The following USH2A variants were observed in gnomAD, a reference collection of about 807,000 sequenced individuals.
The protein encoded by USH2A is usherin, also known as Usher syndrome 2A (autosomal recessive, mild).
Under a neutral mutation model 538.9 loss-of-function variants are expected in USH2A, and 443 were observed. The observed-to-expected ratio is 0.82, with a 90% confidence interval of 0.76 to 0.89. The LOEUF is 0.89. USH2A is among the 40% of genes least tolerant of loss of function. The pLI, the probability that USH2A is intolerant of heterozygous loss-of-function variation, is 0.00. For missense variants in USH2A, 6,633 were observed against 6,324.8 expected, an observed-to-expected ratio of 1.05 and a Z score of -1.65; for synonymous variants, 2,413 against 2,273.5, an observed-to-expected ratio of 1.06 and a Z score of -1.75.
At chr1:215,682,939 G>C (rs1192107082) in intron 61 of USH2A, among the ~76,000 whole-genome samples, 3 of 151,784 alleles carry the variant, frequency 2.0e-5, no homozygotes, top group Non-Finnish European at 4.4e-5. Context: ...GCTCGGTGCA[G>C]CCTTGAACTC....
intron 29 of USH2A, among the ~76,000 whole-genome samples, chr1:216,071,252 A>G (rs2031548030): frequency 6.6e-6 from 1 of 152,172 alleles, no homozygotes; most frequent in African/African-American, 2.4e-5. Context: ...CCAATAAAGT[A>G]GGACAGCTTT....
At position 216,003,385 on chromosome 1, in the gene USH2A, A is replaced by G. The variant is rs191265550; in HGVS notation, c.6326-2823T>C. Reference sequence around the variant, plus strand: ...ACGGAGTTTAAGATGTTCATGCTGCATTACATGAAAACTGCTGCAGAAAAC... The same window carrying G: ...ACGGAGTTTAAGATGTTCATGCTGCGTTACATGAAAACTGCTGCAGAAAAC... On this transcript the variant is annotated intron_variant, in intron 32 of 71. Transcript: ENST00000307340. 7.2e-5 allele frequency among the ~76,000 whole-genome samples: 11 copies of G among 152,298 alleles called. No homozygotes were observed. The East Asian group carries it at 2.1e-3, about 29-fold the overall frequency.
intron 12 of USH2A, among the ~76,000 whole-genome samples, chr1:216,247,642 T>A (rs1489740116): frequency 2.6e-5 from 4 of 152,158 alleles, no homozygotes; most frequent in African/African-American, 9.6e-5. Flanking sequence ...AATAAAAGGT[T>A]AAGCTGAGTA....
chr1:216,077,106 T>C (rs1558245850), intron 27 of USH2A, among the ~76,000 whole-genome samples: 1 of 152,148 alleles, frequency 6.6e-6, no homozygotes, highest in African/African-American at 2.4e-5. Context: ...AATGAGGATA[T>C]AAATAATAAT....
rs188423592 is a variant in USH2A at position 216,371,997 on chromosome 1, G to A, written c.652-6912C>T. Among the ~76,000 whole-genome samples, 346 of 152,210 alleles carry A rather than the reference G, an allele frequency of 2.3e-3. 3 individuals carry two copies. Among genetic ancestry groups the A allele is most frequent in the African/African-American group, 8.0e-3 (331 of 41,526 alleles). On this transcript the variant is annotated intron_variant, in intron 3 of 71. Coordinates refer to ENST00000307340, the MANE Select transcript of USH2A (RefSeq NM_206933.4). ...TATTAAATATTCTCTATTGAGTGACGTTTATACAAACAATATGAATAAGTA... is the reference window on the plus strand; with the variant it reads ...TATTAAATATTCTCTATTGAGTGACATTTATACAAACAATATGAATAAGTA...
intron 21 of USH2A, among the ~76,000 whole-genome samples, chr1:216,113,801 T>C (rs1024529150): frequency 3.3e-5 from 5 of 151,932 alleles, no homozygotes; most frequent in African/African-American, 1.2e-4. Context: ...CTTTTTATAA[T>C]TGGGCTTCCT....
chr1:216,259,949 C>T (rs1006185975), intron 11 of USH2A, among the ~76,000 whole-genome samples: 27 of 151,872 alleles, frequency 1.8e-4, no homozygotes, highest in Admixed American at 1.1e-3. Flanking sequence ...ATATTGGCAA[C>T]GTTCTTGACT....
At chr1:216,390,213 T>C (rs1335920382) in intron 3 of USH2A, among the ~76,000 whole-genome samples, 1 of 152,146 alleles carries the variant, frequency 6.6e-6, no homozygotes, top group Non-Finnish European at 1.5e-5. Context: ...AAAATCATGA[T>C]TTCCAAGCTA....
intron 21 of USH2A, among the ~76,000 whole-genome samples, chr1:216,172,348 G>A (rs1176774319): frequency 2.0e-5 from 3 of 151,868 alleles, no homozygotes; most frequent in Non-Finnish European, 4.4e-5. Flanking sequence ...GTATAATTAT[G>A]TACATCAACC....
Position 215,844,416 on chromosome 1 carries a change from G to A in USH2A, c.9136C>T (p.Pro3046Ser). 1 of 1,613,554 alleles carries A rather than the reference G, an allele frequency of 6.2e-7. No individual in the cohort carries two copies. The highest frequency in any genetic ancestry group is 8.5e-7 in the Non-Finnish European group (1 of 1,179,880). ...VRVIWTSPSNPNGVVTEYSIY... is the reference protein window; with the variant it reads ...VRVIWTSPSNSNGVVTEYSIY... The stretch of plus-strand genomic sequence containing the variant: ...GAATACTCAGTGACAACACCATTTG[G>A]GTTTGAAGGAGATGTCCAGATGACA... Residue 3046 changes from proline (P) to serine (S), a missense_variant, in exon 46 of 72, where the codon CCA (proline) becomes TCA (serine). Physicochemically the swap from Pro to Ser is moderately conservative, Grantham distance 74 (BLOSUM62 -1). Coordinates refer to ENST00000307340, the MANE Select transcript of USH2A (RefSeq NM_206933.4).
chr1:215,790,416 C>T (rs1661949212), intron 50 of USH2A, 134 bp from the exon 51 acceptor site: 1 of 896,410 alleles, frequency 1.1e-6, no homozygotes. Flanking sequence ...GTAGCATTTC[C>T]CTACCAAGGT....
intron 32 of USH2A, among the ~76,000 whole-genome samples, chr1:216,003,741 T>C (rs1462823706): frequency 1.3e-5 from 2 of 152,140 alleles, no homozygotes; most frequent in Non-Finnish European, 2.9e-5. Flanking sequence ...GTAAGAATTT[T>C]GGTTTTTAAT....
At chr1:215,896,836 G>T (rs148160924) in intron 40 of USH2A, among the ~76,000 whole-genome samples, 24 of 152,260 alleles carry the variant, frequency 1.6e-4, no homozygotes, top group African/African-American at 5.8e-4. Context: ...ACTGCCAGCA[G>T]CACATTTAAA....
chr1:216,205,380 A>C (rs1278539434), intron 16 of USH2A, among the ~76,000 whole-genome samples: 1 of 152,202 alleles, frequency 6.6e-6, no homozygotes, highest in Non-Finnish European at 1.5e-5. Flanking sequence ...ACAGATGTTC[A>C]TTTCCCTTTG....
intron 32 of USH2A, among the ~76,000 whole-genome samples, chr1:216,017,726 C>T (rs1668751567): frequency 6.6e-6 from 1 of 152,174 alleles, no homozygotes; most frequent in Non-Finnish European, 1.5e-5. Flanking sequence ...CAGTAATAAT[C>T]ATGGCTATAT....
chr1:216,200,092 A>T lies in USH2A; in HGVS notation c.3346T>A (p.Leu1116Ile). Residue 1116 changes from leucine (L) to isoleucine (I), a missense_variant, in exon 17 of 72, where the codon TTA becomes ATA. Physicochemically the swap from Leu to Ile is conservative, Grantham distance 5 (BLOSUM62 2). Coordinates refer to ENST00000307340, the MANE Select transcript of USH2A (RefSeq NM_206933.4). ...SIQYFLDTDLLPYTKYSYYIE... is the reference protein window; with the variant it reads ...SIQYFLDTDLIPYTKYSYYIE... ...TAATAGGAATATTTGGTATATGGTAACAGGTCTGTGTCTAAGAAGTATTGA... is the reference window on the plus strand; with the variant it reads ...TAATAGGAATATTTGGTATATGGTATCAGGTCTGTGTCTAAGAAGTATTGA... 6.2e-7 allele frequency: 1 copy of T among 1,613,702 alleles called. No homozygotes were observed. The highest frequency in any genetic ancestry group is 8.5e-7 in the Non-Finnish European group (1 of 1,179,892).
chr1:215,743,893 T>G (rs149234791), intron 58 of USH2A, among the ~76,000 whole-genome samples: 1 of 152,014 alleles, frequency 6.6e-6, no homozygotes, highest in Admixed American at 6.6e-5. Flanking sequence ...TCACAAAAGT[T>G]AAGTTGGCAA....
chr1:215,671,432 A>G, intron 63 of USH2A, 139 bp from the exon 64 acceptor site: 1 of 978,706 alleles, frequency 1.0e-6, no homozygotes, highest in Non-Finnish European at 1.5e-6. Flanking sequence ...AGAATAACAA[A>G]GTTGAGAATG....
At chr1:216,048,894 G>A (rs1190602260) in intron 30 of USH2A, among the ~76,000 whole-genome samples, 1 of 152,194 alleles carries the variant, frequency 6.6e-6, no homozygotes, top group Non-Finnish European at 1.5e-5. Context: ...AACAGCATCT[G>A]ATGTTTCTCC....
Sources: allele counts gnomAD v4.1 joint callset (sites outside exome capture counted in the v4.1 genomes callset), GRCh38; gene constraint gnomAD v4.1.1; transcripts MANE v1.5; gene names NCBI Gene and HGNC (gene_info 2026-07-23, HGNC 2026-07-21).